Variants in UBE2Q2 observed in about 807,000 individuals in gnomAD.
UBE2Q2 encodes the protein ubiquitin-conjugating enzyme E2 Q2.
UBE2Q2 carries 54 observed loss-of-function variants against 59.9 expected under a neutral mutation model. The observed-to-expected ratio is 0.90, with a 90% confidence interval of 0.72 to 1.13. The LOEUF is 1.13. Among genes scored for constraint, UBE2Q2 ranks in the 50% most tolerant of loss-of-function variants. The pLI is 0.00. For synonymous variants in UBE2Q2, 165 were observed against 155.2 expected, an observed-to-expected ratio of 1.06 and a Z score of -0.47; for missense variants, 433 against 441.9, an observed-to-expected ratio of 0.98 and a Z score of 0.18.
At chr15:75,876,097 T>C (rs1180455547) in intron 5 of UBE2Q2, 90 bp from the exon 6 acceptor site, 4 of 1,140,616 alleles carry the variant, frequency 3.5e-6, no homozygotes, top group Non-Finnish European at 5.0e-6. Flanking sequence ...TGAGTGGTGA[T>C]CCATTTTTGC....
intron 1 of UBE2Q2, among the ~76,000 whole-genome samples, chr15:75,845,033 T>G (rs1018790187): frequency 6.6e-6 from 1 of 152,070 alleles, no homozygotes; most frequent in Non-Finnish European, 1.5e-5. Context: ...CGTCTGAGTG[T>G]TCTGGGCACT....
At chr15:75,894,445 A>G (rs1022668857) in intron 11 of UBE2Q2, among the ~76,000 whole-genome samples, 1 of 151,998 alleles carries the variant, frequency 6.6e-6, no homozygotes, top group African/African-American at 2.4e-5. Context: ...TTAGCTGGGC[A>G]TCGTGGCAGG....
chr15:75,895,473 G>A (rs923189456), intron 11 of UBE2Q2, among the ~76,000 whole-genome samples: 1 of 151,908 alleles, frequency 6.6e-6, no homozygotes, highest in African/African-American at 2.4e-5. Flanking sequence ...GTGAGCCACC[G>A]TGCCTGGCCG....
intron 9 of UBE2Q2, 143 bp downstream of exon 9, chr15:75,883,567 G>A: frequency 1.6e-6 from 1 of 606,936 alleles, no homozygotes; most frequent in Non-Finnish European, 2.9e-6. Context: ...CTCCCAAAGT[G>A]CTGGGATTAC....
intron 1 of UBE2Q2, among the ~76,000 whole-genome samples, chr15:75,851,110 A>G (rs1896614318): frequency 6.7e-6 from 1 of 149,484 alleles, no homozygotes; most frequent in East Asian, 2.0e-4. Flanking sequence ...TTTAATGGCC[A>G]TTTTAGATAA....
intron 9 of UBE2Q2, among the ~76,000 whole-genome samples, chr15:75,885,699 G>C (rs1212351492): frequency 6.6e-6 from 1 of 152,186 alleles, no homozygotes; most frequent in Non-Finnish European, 1.5e-5. Context: ...GCAGATGTTA[G>C]AGGTTTCCTT....
Position 75,859,970 on chromosome 15 carries a change from A to G in UBE2Q2, c.375A>G (p.Leu125=). 6.3e-7 allele frequency: 1 copy of G among 1,596,596 alleles called. No homozygotes were observed. The highest frequency in any genetic ancestry group is 8.5e-7 in the Non-Finnish European group (1 of 1,174,442). The part of the protein sequence containing the change: ...HLDVEMLDQP[L]PTGQNGTTEE... ...ATGTTGAGATGCTAGATCAACCACT[A>G]CCCACGGGTCAGGTAAAGTAAAAAT... The change falls in exon 3 of 13, where the codon CTA becomes CTG. Residue 125 remains leucine (L), a synonymous_variant. Coordinates refer to ENST00000267938, the MANE Select transcript of UBE2Q2 (RefSeq NM_173469.4).
At chr15:75,867,255 T>C (rs1488508416) in intron 3 of UBE2Q2, among the ~76,000 whole-genome samples, 1 of 152,208 alleles carries the variant, frequency 6.6e-6, no homozygotes, top group Non-Finnish European at 1.5e-5. Context: ...TTGACACTCA[T>C]AGAGGCCATC....
chr15:75,869,076 A>C (rs1897653652), intron 4 of UBE2Q2, 66 bp downstream of exon 4: 39 of 1,370,964 alleles, frequency 2.8e-5, no homozygotes, highest in African/African-American at 4.4e-5. Flanking sequence ...AGTAATTCTC[A>C]AATCTTTTTT....
At chr15:75,888,123 C>T (rs992645559) in intron 9 of UBE2Q2, among the ~76,000 whole-genome samples, 2 of 152,124 alleles carry the variant, frequency 1.3e-5, no homozygotes, top group East Asian at 1.9e-4. Flanking sequence ...TAAAACGCTT[C>T]GAAGTGTACA....
At chr15:75,847,124 T>A (rs1363550788) in intron 1 of UBE2Q2, among the ~76,000 whole-genome samples, 1 of 152,238 alleles carries the variant, frequency 6.6e-6, no homozygotes, top group East Asian at 1.9e-4. Context: ...CTTTTTATGG[T>A]GGCAGGGGAG....
intron 9 of UBE2Q2, among the ~76,000 whole-genome samples, 176 bp downstream of exon 9, chr15:75,883,600 GC>G (rs1465692457): frequency 6.6e-6 from 1 of 151,708 alleles, no homozygotes; most frequent in Admixed American, 6.6e-5. Flanking sequence ...ACTGTGCCTG[GC>G]CTGCATTTTT....
chr15:75,844,447 T>C, intron 1 of UBE2Q2: 9 of 1,551,578 alleles, frequency 5.8e-6, no homozygotes, highest in Non-Finnish European at 7.8e-6. Flanking sequence ...TGCGCGCTGC[T>C]GTGTTCTGGA....
chr15:75,893,285 C>T (rs1238398983), intron 11 of UBE2Q2, among the ~76,000 whole-genome samples: 1 of 151,980 alleles, frequency 6.6e-6, no homozygotes, highest in African/African-American at 2.4e-5. Flanking sequence ...AAAGATATGC[C>T]AGTATACATT....
In UBE2Q2 at chr15:75,869,867, C is replaced by T. The variant is rs115833774; in HGVS notation, c.447+857C>T. On this transcript the variant is annotated intron_variant, in intron 4 of 12. Coordinates refer to ENST00000267938, the MANE Select transcript of UBE2Q2 (RefSeq NM_173469.4). ...GATGTTTTCAAGCTCTGAAGCTCTG[C>T]ATTTAAATTCAAACTTCAGAACAAA... Among the ~76,000 whole-genome samples, 455 of 152,312 alleles carry T rather than the reference C, an allele frequency of 3.0e-3. 3 individuals carry two copies. Among genetic ancestry groups the T allele is most frequent in the African/African-American group, 0.01 (432 of 41,558 alleles).
At chr15:75,898,564 A>G (rs1057061282) in intron 12 of UBE2Q2, among the ~76,000 whole-genome samples, 6 of 152,304 alleles carry the variant, frequency 3.9e-5, no homozygotes, top group Non-Finnish European at 8.8e-5. Flanking sequence ...ATTGTTAACT[A>G]TAGTCACCAT....
chr15:75,883,083 A>ATCTATCTATCTATCTATCTATCT (rs1898528049), intron 8 of UBE2Q2, among the ~76,000 whole-genome samples: 1 of 152,164 alleles, frequency 6.6e-6, no homozygotes, highest in African/African-American at 2.4e-5. Flanking sequence ...TAAGTTACCT[A>ATCTATCTATCTATCTATCTATCT]GTCTATCATT....
chr15:75,869,036 T>G (rs1391235124), intron 4 of UBE2Q2, 26 bp downstream of exon 4: 6 of 1,578,822 alleles, frequency 3.8e-6, no homozygotes, highest in African/African-American at 1.4e-5. Flanking sequence ...AAAAGAAGAG[T>G]TCATAAATTT....
chr15:75,864,113 C>T (rs1330722914), intron 3 of UBE2Q2, among the ~76,000 whole-genome samples: 3 of 152,014 alleles, frequency 2.0e-5, no homozygotes, highest in Non-Finnish European at 2.9e-5. Context: ...TAGTAAACAC[C>T]GTTAGAATGG....
Sources: allele counts gnomAD v4.1 joint callset (sites outside exome capture counted in the v4.1 genomes callset), GRCh38; gene constraint gnomAD v4.1.1; transcripts MANE v1.5; gene names NCBI Gene and HGNC (gene_info 2026-07-23, HGNC 2026-07-21).